The following CCNJL variants were observed in gnomAD, a reference collection of about 807,000 sequenced individuals.
The protein encoded by CCNJL is cyclin-J-like protein.
A neutral mutation model predicts 33.4 loss-of-function variants in CCNJL; 33 were observed. That is an observed-to-expected ratio of 0.99 (90% confidence interval 0.75 to 1.32). The LOEUF is 1.32. Ranked by LOEUF, CCNJL falls within the 40% of genes most tolerant of loss-of-function variation. The pLI is 0.00. For missense variants in CCNJL, 512 were observed against 499.7 expected, an observed-to-expected ratio of 1.02 and a Z score of -0.23; for synonymous variants, 227 against 220.9, an observed-to-expected ratio of 1.03 and a Z score of -0.24.
upstream of CCNJL, chr5:160,312,697 T>C (rs1469877951): frequency 2.6e-5 from 4 of 151,926 alleles, no homozygotes; most frequent in African/African-American, 4.8e-5. Context: ...CTGGCTCCGC[T>C]TCCTGCCCGC....
At chr5:160,315,931 T>C (rs1763375388), upstream of CCNJL, among the ~76,000 whole-genome samples, 1 of 152,208 alleles carries the variant, frequency 6.6e-6, no homozygotes, top group Non-Finnish European at 1.5e-5. Context: ...TTCACTAATA[T>C]GTACTGCCCT....
At chr5:160,315,473 C>T (rs775434917), upstream of CCNJL, 2 of 443,384 alleles carry the variant, frequency 4.5e-6, no homozygotes, top group South Asian at 1.6e-5. Context: ...TGCCACTGCA[C>T]TCCAGCCTGG....
intron 2 of CCNJL, among the ~76,000 whole-genome samples, chr5:160,306,080 C>T (rs1263253913): frequency 6.6e-6 from 1 of 151,998 alleles, no homozygotes; most frequent in African/African-American, 2.4e-5. Context: ...TAGAGACCAG[C>T]CTGGCCAACA....
chr5:160,335,922 C>T (rs1027803987), intron 1 of CCNJL, among the ~76,000 whole-genome samples: 1 of 152,142 alleles, frequency 6.6e-6, no homozygotes, highest in Admixed American at 6.5e-5. Context: ...TTTCCAGCAT[C>T]ACAGTCTCTT....
At chr5:160,268,124 G>A (rs1208474662) in intron 3 of CCNJL, among the ~76,000 whole-genome samples, 1 of 152,110 alleles carries the variant, frequency 6.6e-6, no homozygotes, top group Non-Finnish European at 1.5e-5. Context: ...TCCTACTCTT[G>A]GCAAAAAAAG....
At chr5:160,278,308 T>C (rs1762087299) in intron 3 of CCNJL, among the ~76,000 whole-genome samples, 1 of 152,148 alleles carries the variant, frequency 6.6e-6, no homozygotes, top group Non-Finnish European at 1.5e-5. Context: ...CCTTCCTGTC[T>C]ATCTGGAAGC....
chr5:160,319,452 C>T (rs2113470485), intron 1 of CCNJL, among the ~76,000 whole-genome samples: 1 of 152,318 alleles, frequency 6.6e-6, no homozygotes. Flanking sequence ...TCACTGAGAG[C>T]AGGCTTCCCT....
rs144710097 is a variant in CCNJL, at chr5:160,259,815, C to T, written c.281-44G>A. 2,936 of 1,532,390 alleles carry T rather than the reference C, an allele frequency of 1.9e-3. 17 individuals carry two copies. In the Middle Eastern group the frequency reaches 0.025, roughly 13 times the overall value. 94.9% of individuals were successfully genotyped at this position (1,532,390 alleles called of 1,614,324 possible). Reference sequence around the variant, plus strand: ...AGCAGGGGTTACTGGAAGACATTTACCTGAACCCAGGAAGCTAACGGCCCA... The same window carrying T: ...AGCAGGGGTTACTGGAAGACATTTATCTGAACCCAGGAAGCTAACGGCCCA... On this transcript the variant is annotated intron_variant, in intron 3 of 5. Transcript: ENST00000257536.
At chr5:160,272,154 C>G (rs990974399) in intron 3 of CCNJL, among the ~76,000 whole-genome samples, 5 of 152,192 alleles carry the variant, frequency 3.3e-5, no homozygotes, top group African/African-American at 9.7e-5. Flanking sequence ...TCCTTGTCGA[C>G]CAGAAAGGAT....
chr5:160,254,236 A>C, intron 5 of CCNJL: 1 of 529,704 alleles, frequency 1.9e-6, no homozygotes. Context: ...CTTTCCAGGC[A>C]ATTCTGGGCC....
chr5:160,306,804 C>G (rs1382816815), intron 2 of CCNJL, among the ~76,000 whole-genome samples: 2 of 152,222 alleles, frequency 1.3e-5, no homozygotes, highest in Non-Finnish European at 2.9e-5. Context: ...TGTTAGAAGT[C>G]TGGGAGGAAT....
intron 1 of CCNJL, among the ~76,000 whole-genome samples, chr5:160,321,562 G>A (rs1763465817): frequency 6.6e-6 from 1 of 152,214 alleles, no homozygotes; most frequent in Non-Finnish European, 1.5e-5. Flanking sequence ...GCTTGGGGTG[G>A]AGAAGGGTTG....
Position 160,334,782 on chromosome 5 carries a change from G to T in CCNJL, n.206+4663C>A, listed in dbSNP as rs563683203. On this transcript the variant is annotated intron_variant and non_coding_transcript_variant, in intron 1 of 7. Coordinates refer to the CCNJL transcript ENST00000377503. ...AGACCTGGCATCAGATCCACCTGGA[G>T]GGTTTGTTAAGAACAGATGGCTGGA... 5.9e-5 allele frequency among the ~76,000 whole-genome samples: 9 copies of T among 152,344 alleles called. No homozygotes were observed. The South Asian group carries it at 1.4e-3, about 25-fold the overall frequency.
chr5:160,257,695 C>T (rs575700521), intron 4 of CCNJL, among the ~76,000 whole-genome samples: 55 of 152,082 alleles, frequency 3.6e-4, no homozygotes, highest in African/African-American at 1.3e-3. Context: ...TAAGTTACAG[C>T]ATCATTTTCC....
At chr5:160,289,966 A>G (rs1012709734) in intron 2 of CCNJL, among the ~76,000 whole-genome samples, 7 of 152,192 alleles carry the variant, frequency 4.6e-5, no homozygotes, top group Non-Finnish European at 1.0e-4. Flanking sequence ...CAAGAGAACC[A>G]TACCTATCAC....
chr5:160,307,928 T>C (rs775308619), intron 2 of CCNJL, among the ~76,000 whole-genome samples: 20 of 152,158 alleles, frequency 1.3e-4, no homozygotes, highest in Non-Finnish European at 1.9e-4. Context: ...CATTCACCCA[T>C]TGGGATGCCA....
intron 2 of CCNJL, among the ~76,000 whole-genome samples, chr5:160,288,287 C>T (rs955431913): frequency 2.0e-5 from 3 of 152,076 alleles, no homozygotes; most frequent in Non-Finnish European, 4.4e-5. Context: ...AATGCATAAC[C>T]ACTTTATTAC....
intron 2 of CCNJL, among the ~76,000 whole-genome samples, chr5:160,295,123 T>C (rs891486514): frequency 2.0e-5 from 3 of 152,124 alleles, no homozygotes; most frequent in African/African-American, 7.2e-5. Context: ...AAAAGGGGGT[T>C]CCCCCCCGTA....
chr5:160,254,182 C>T (rs771719201), intron 5 of CCNJL: 3 of 485,488 alleles, frequency 6.2e-6, no homozygotes, highest in Non-Finnish European at 1.1e-5. Context: ...TTCCCATCCC[C>T]TGGCACTGGA....
Sources: allele counts gnomAD v4.1 joint callset (sites outside exome capture counted in the v4.1 genomes callset), GRCh38; gene constraint gnomAD v4.1.1; transcripts MANE v1.5; gene names NCBI Gene and HGNC (gene_info 2026-07-23, HGNC 2026-07-21).